The following ASAP1 variants were observed in gnomAD, a reference collection of about 807,000 sequenced individuals.
The protein encoded by ASAP1 is arf-GAP with SH3 domain, ANK repeat and PH domain-containing protein 1.
A neutral mutation model predicts 145.2 loss-of-function variants in ASAP1; 43 were observed. The observed-to-expected ratio is 0.30, with a 90% CI of 0.23 to 0.38. The LOEUF (loss-of-function observed/expected upper bound fraction) is 0.38. Ranked by LOEUF, ASAP1 falls within the 10% of genes least tolerant of loss-of-function variation. The pLI is 1.00. For synonymous variants in ASAP1, 546 were observed against 515.5 expected (o/e 1.06, Z -0.80); for missense variants, 1,018 against 1,355.3 (o/e 0.75, Z 3.91).
intron 1 of ASAP1, among the ~76,000 whole-genome samples, chr8:130,422,336 C>T (rs1484573190): frequency 6.6e-6 from 1 of 152,240 alleles, no homozygotes; most frequent in Non-Finnish European, 1.5e-5. Context: ...AGCATATAAA[C>T]TGTGACTACA....
chr8:130,340,989 G>A, intron 3 of ASAP1: 1 of 441,938 alleles, frequency 2.3e-6, no homozygotes, highest in South Asian at 1.6e-5. Flanking sequence ...TTTTGTCGCT[G>A]GGGGGCAGTG....
intron 4 of ASAP1, among the ~76,000 whole-genome samples, chr8:130,229,744 A>C (rs1309858617): frequency 5.9e-5 from 9 of 152,230 alleles, no homozygotes; most frequent in Non-Finnish European, 1.3e-4. Context: ...AAGGCTTTAA[A>C]AAACCCCAAA....
intron 3 of ASAP1, among the ~76,000 whole-genome samples, chr8:130,351,870 G>C (rs116847066): frequency 6.6e-6 from 1 of 152,334 alleles, no homozygotes; most frequent in Non-Finnish European, 1.5e-5. Flanking sequence ...AGGACCAAAA[G>C]CATTAGCATG....
In ASAP1 at chr8:130,439,625, A is replaced by C. The variant is rs772193854; in HGVS notation, c.-28+3835T>G. ...AGTTGAACACACAATGAAGGTAAAC[A>C]CAGGGACTTAAGAGTAGGGGAGGGA... On this transcript the variant is annotated intron_variant, in intron 1 of 29. Transcript: ENST00000518721. Among the ~76,000 whole-genome samples the C allele has an allele frequency of 1.1e-3, 162 of 152,362 alleles. 2 individuals are homozygous for C. The highest frequency in any genetic ancestry group is 3.9e-4 in the East Asian group (2 of 5,182).
chr8:130,212,293 T>A (rs1816632991), intron 5 of ASAP1, among the ~76,000 whole-genome samples: 1 of 152,236 alleles, frequency 6.6e-6, no homozygotes, highest in African/African-American at 2.4e-5. Context: ...TTTCCTTTAC[T>A]AAATGAATTA....
At chr8:130,063,616 A>G (rs937879153) in intron 27 of ASAP1, among the ~76,000 whole-genome samples, 21 of 152,156 alleles carry the variant, frequency 1.4e-4, no homozygotes, top group African/African-American at 4.8e-4. Context: ...TGCATGACGT[A>G]GCTTCATCTT....
intron 3 of ASAP1, among the ~76,000 whole-genome samples, chr8:130,312,781 T>A (rs4733783): frequency 0.19 from 29,188 of 152,206 alleles, 3,310 homozygotes; most frequent in East Asian, 0.44. Flanking sequence ...CACAGAAATT[T>A]TCCCCCCTAG....
chr8:130,384,350 G>C (rs564266791), intron 2 of ASAP1, among the ~76,000 whole-genome samples: 2 of 152,166 alleles, frequency 1.3e-5, no homozygotes, highest in Admixed American at 1.3e-4. Flanking sequence ...TTTACAGCCT[G>C]GTCTGCATAC....
At chr8:130,132,461 G>A (rs2097584673) in intron 15 of ASAP1, among the ~76,000 whole-genome samples, 1 of 152,066 alleles carries the variant, frequency 6.6e-6, no homozygotes, top group Admixed American at 6.5e-5. Context: ...AGAGCCTCCT[G>A]CCTGGAGTAT....
intron 1 of ASAP1, among the ~76,000 whole-genome samples, chr8:130,407,106 G>A (rs929098158): frequency 6.6e-5 from 10 of 152,158 alleles, no homozygotes; most frequent in African/African-American, 1.7e-4. Flanking sequence ...TTGGCTCCCC[G>A]TAACTGATGA....
intron 5 of ASAP1, among the ~76,000 whole-genome samples, chr8:130,197,462 G>T (rs1586573942): frequency 6.8e-6 from 1 of 147,474 alleles, no homozygotes; most frequent in Admixed American, 6.9e-5. Flanking sequence ...AAAAAGAAAA[G>T]AAAAGAACTG....
intron 4 of ASAP1, among the ~76,000 whole-genome samples, chr8:130,224,062 A>T (rs1226238447): frequency 6.6e-6 from 1 of 152,152 alleles, no homozygotes; most frequent in Admixed American, 6.6e-5. Context: ...GCCTCTTGCC[A>T]AGGTGGGGGT....
At chr8:130,250,438 G>C (rs1033589025) in intron 3 of ASAP1, among the ~76,000 whole-genome samples, 1 of 152,160 alleles carries the variant, frequency 6.6e-6, no homozygotes, top group South Asian at 2.1e-4. Flanking sequence ...TCACGTCCAA[G>C]TATGGCGCAT....
intron 3 of ASAP1, among the ~76,000 whole-genome samples, chr8:130,305,561 A>C (rs1257174843): frequency 6.6e-6 from 1 of 152,034 alleles, no homozygotes. Context: ...GGGGTGTTTC[A>C]CCATGTTGGC....
At chr8:130,410,560 A>G (rs1829223031) in intron 1 of ASAP1, among the ~76,000 whole-genome samples, 1 of 152,260 alleles carries the variant, frequency 6.6e-6, no homozygotes, top group Non-Finnish European at 1.5e-5. Flanking sequence ...TCCCCTGGGA[A>G]GAAGTGCAAG....
chr8:130,322,320 G>T (rs116673072), intron 3 of ASAP1, among the ~76,000 whole-genome samples: 3,794 of 149,888 alleles, frequency 0.025, 80 homozygotes, highest in East Asian at 0.054. Context: ...AAAAAAAAAT[G>T]AAAATGCTGT....
intron 13 of ASAP1, among the ~76,000 whole-genome samples, chr8:130,150,875 G>A (rs2097644726): frequency 6.6e-6 from 1 of 152,046 alleles, no homozygotes; most frequent in Admixed American, 6.6e-5. Context: ...GCCAGACCCT[G>A]TCTCAAACAA....
chr8:130,373,111 T>TACAC lies in ASAP1; in HGVS notation c.60-14972_60-14969dup, dbSNP rs367719682. ...CCCCCCACACACACAGAAATACATATACACACACACACACACACACACACA... is the reference window on the plus strand; with the variant it reads ...CCCCCCACACACACAGAAATACATATACACACACACACACACACACACACACACA... On this transcript the variant is annotated intron_variant, in intron 2 of 29. Transcript: ENST00000518721. Among the ~76,000 whole-genome samples the TACAC allele has an allele frequency of 1.1e-3, 107 of 94,108 alleles. 3 individuals are homozygous for TACAC. The East Asian group carries it at 0.022, about 19-fold the overall frequency. The allele number at this position is 94,108 out of a possible 152,430, so 61.7% of individuals were successfully genotyped here.
chr8:130,382,301 A>G (rs1827815133), intron 2 of ASAP1, among the ~76,000 whole-genome samples: 1 of 151,668 alleles, frequency 6.6e-6, no homozygotes, highest in Non-Finnish European at 1.5e-5. Context: ...AAAAAAAAAA[A>G]AAAAAAAAGA....
Sources: allele counts gnomAD v4.1 joint callset (sites outside exome capture counted in the v4.1 genomes callset), GRCh38; gene constraint gnomAD v4.1.1; transcripts MANE v1.5; gene names NCBI Gene and HGNC (gene_info 2026-07-23, HGNC 2026-07-21).